Variants in FBXO31 observed in about 807,000 individuals in gnomAD.
FBXO31 encodes F-box protein 31.
A neutral mutation model predicts 54.4 loss-of-function variants in FBXO31; 24 were observed. The ratio of observed to expected loss-of-function variants is 0.44; its 90% confidence interval spans 0.32 to 0.62. The LOEUF (loss-of-function observed/expected upper bound fraction) is 0.62. FBXO31 is among the 20% of genes least tolerant of loss of function. The pLI, the probability that FBXO31 is intolerant of heterozygous loss-of-function variation, is 0.05. For synonymous variants in FBXO31, 388 were observed against 335.6 expected (o/e 1.16, Z -1.71); for missense variants, 665 against 787.1 (o/e 0.84, Z 1.86).
rs964234734 is a variant in FBXO31 at position 87,338,991 on chromosome 16, G to T, written c.733-2727C>A. Among the ~76,000 whole-genome samples the T allele has an allele frequency of 6.6e-6, 1 of 152,184 alleles. No homozygotes were observed. The highest frequency in any genetic ancestry group is 1.5e-5 in the Non-Finnish European group (1 of 68,038). On this transcript the variant is annotated intron_variant, in intron 5 of 8. Transcript: ENST00000311635. This position sits in a 1 kb window ranked among gnomAD's most constrained non-coding sequence, Gnocchi z 4.3. ...TATAAAGGGGAGTTCCCCTGCACAA[G>T]TTCTCTCTTTTTTTGCCTGCCGCCA...
At chr16:87,352,191 ATC>A (rs1406869320) in intron 2 of FBXO31, among the ~76,000 whole-genome samples, 2 of 152,240 alleles carry the variant, frequency 1.3e-5, no homozygotes, top group South Asian at 2.1e-4. Flanking sequence ...CACAATTATT[ATC>A]TGTCAGTTAT....
At chr16:87,377,564 G>T (rs531649040) in intron 1 of FBXO31, among the ~76,000 whole-genome samples, 1 of 152,142 alleles carries the variant, frequency 6.6e-6, no homozygotes, top group African/African-American at 2.4e-5. Context: ...AGCAGCTCAC[G>T]CCTGTAATCC....
upstream of FBXO31, among the ~76,000 whole-genome samples, chr16:87,384,518 G>A (rs998732737): frequency 6.6e-6 from 1 of 152,222 alleles, no homozygotes; most frequent in Non-Finnish European, 1.5e-5. Context: ...GCTGGGAGCC[G>A]CGCACGCCTG....
intron 1 of FBXO31, chr16:87,367,122 A>G (rs1279856464): frequency 6.6e-6 from 1 of 152,190 alleles, no homozygotes; most frequent in Admixed American, 6.5e-5. Context: ...GTGAGTGACA[A>G]TCAAGCCACT....
In FBXO31 at chr16:87,330,996, G is replaced by A. The variant is rs1183467038; in HGVS notation, c.*292C>T. 2.7e-5 allele frequency: 9 copies of A among 331,842 alleles called. No homozygotes were observed. Among genetic ancestry groups the A allele is most frequent in the East Asian group, 6.7e-5 (1 of 14,930 alleles). 20.6% of individuals were successfully genotyped at this position (331,842 alleles called of 1,614,324 possible). A position where few individuals can be genotyped will look rare whatever the true frequency, so the allele number is the denominator to read the frequency against. ...CAGCCCAGGGTGCGGGAACCCCACC[G>A]CTTCAATTCTCACGCGGTCCCACGG... On this transcript the variant is annotated 3_prime_UTR_variant, in exon 9 of 9. Transcript: ENST00000311635.
chr16:87,328,883 T>C lies in FBXO31; in HGVS notation c.*2405A>G, dbSNP rs994824197. On this transcript the variant is annotated 3_prime_UTR_variant, in exon 9 of 9. Coordinates refer to ENST00000311635, the MANE Select transcript of FBXO31 (RefSeq NM_024735.5). ...TGAACTGGGTTACTCAGCCTCCTCC[T>C]TGGAAACGGTTTTATCCAACTCTCA... The C allele has an allele frequency of 9.9e-5, 15 of 152,252 alleles. No individual in the cohort carries two copies. The highest frequency in any genetic ancestry group is 3.1e-4 in the African/African-American group (13 of 41,452). The allele number at this position is 152,252 out of a possible 1,614,324, so 9.4% of individuals were successfully genotyped here. A position where few individuals can be genotyped will look rare whatever the true frequency, so the allele number is the denominator to read the frequency against.
chr16:87,387,973 A>C (rs902103882), upstream of FBXO31, among the ~76,000 whole-genome samples: 16 of 152,388 alleles, frequency 1.0e-4, no homozygotes, highest in African/African-American at 3.6e-4. Flanking sequence ...GCAGTTTAAA[A>C]TAAGCGGGCT....
At position 87,340,529 on chromosome 16, in the gene FBXO31, G is replaced by A. The variant is rs1401294013; in HGVS notation, c.732+2348C>T. 4.6e-5 allele frequency among the ~76,000 whole-genome samples: 7 copies of A among 152,180 alleles called. No individual in the cohort carries two copies. The South Asian group carries it at 6.2e-4, about 13-fold the overall frequency. On this transcript the variant is annotated intron_variant, in intron 5 of 8. Transcript: ENST00000311635. ...CATTTCACATCAGAATAGATCCAACGGAACCAGACACAGACACAAGAGAAA... is the reference window on the plus strand; with the variant it reads ...CATTTCACATCAGAATAGATCCAACAGAACCAGACACAGACACAAGAGAAA...
In FBXO31 at chr16:87,383,553, G is replaced by C. The variant is rs140169840; in HGVS notation, c.192C>G (p.Arg64=). Residue 64 remains arginine (R), a synonymous_variant, in exon 1 of 9, where the codon CGC becomes CGG. Transcript: ENST00000311635. This position sits in a 1 kb window ranked among gnomAD's most constrained non-coding sequence, Gnocchi z 4.9. ...LCAGPSPPPP[R]CSLLELPPEL... is the part of the protein sequence containing the mutation. ...CGGGCGGCAGCTCCAGCAGCGAGCA[G>C]CGCGGGGGCGGCGGCGAGGGGCCCG... 88 of 1,546,804 alleles carry C rather than the reference G, an allele frequency of 5.7e-5. No homozygotes were observed. The East Asian group carries it at 2.2e-3, about 39-fold the overall frequency.
intron 1 of FBXO31, among the ~76,000 whole-genome samples, chr16:87,376,671 C>T (rs1423431034): frequency 6.6e-6 from 1 of 152,224 alleles, no homozygotes; most frequent in African/African-American, 2.4e-5. Flanking sequence ...ACACAGAAAT[C>T]AGCCTCACTC....
At chr16:87,359,088 C>T (rs1906022192) in intron 2 of FBXO31, among the ~76,000 whole-genome samples, 1 of 152,202 alleles carries the variant, frequency 6.6e-6, no homozygotes, top group Admixed American at 6.5e-5. Flanking sequence ...AACACAGTTG[C>T]TGCGCTGTGA....
In FBXO31 at chr16:87,331,737, A is replaced by G. The variant is rs940462319; in HGVS notation, c.1398-227T>C. Among the ~76,000 whole-genome samples, 5 of 152,212 alleles carry G rather than the reference A, an allele frequency of 3.3e-5. No homozygotes were observed. In the East Asian group the frequency reaches 9.6e-4, roughly 29 times the overall value. On this transcript the variant is annotated intron_variant, in intron 8 of 8. Coordinates refer to ENST00000311635, the MANE Select transcript of FBXO31 (RefSeq NM_024735.5). ...GGGCGCAGGCCGAGCCCACCTGATG[A>G]TGGACGCAGAGGCCAGAGCTCGGGG...
chr16:87,367,002 AC>A (rs1906397994), intron 1 of FBXO31: 1 of 152,100 alleles, frequency 6.6e-6, no homozygotes, highest in African/African-American at 2.4e-5. Context: ...ACACAGTGAG[AC>A]CCCAGCTCTA....
At position 87,358,521 on chromosome 16, in the gene FBXO31, G is replaced by A. The variant is rs1905997209; in HGVS notation, c.412+1774C>T. 6.5e-6 allele frequency: 1 copy of A among 152,676 alleles called. No homozygotes were observed. Among genetic ancestry groups the A allele is most frequent in the East Asian group, 1.9e-4 (1 of 5,194 alleles). The allele number at this position is 152,676 out of a possible 1,614,324, so 9.5% of individuals were successfully genotyped here. On this transcript the variant is annotated intron_variant, in intron 2 of 8. Transcript: ENST00000311635. The surrounding 1 kb of genome is among the most constrained non-coding windows in gnomAD (Gnocchi z 4.0). ...ACCTGAACAGACACAGCAGGGAAAG[G>A]GCTAAGGATGGCTCCCTTTACAGGA...
intron 1 of FBXO31, among the ~76,000 whole-genome samples, chr16:87,368,763 T>A (rs751039257): frequency 4.0e-4 from 61 of 152,296 alleles, no homozygotes; most frequent in Non-Finnish European, 7.1e-4. Flanking sequence ...GCTGTTCTGA[T>A]TGCTAAGGAT....
rs979205697 is a variant in FBXO31 at position 87,335,814 on chromosome 16, T to C, written c.842+341A>G. Among the ~76,000 whole-genome samples, 7 of 152,016 alleles carry C rather than the reference T, an allele frequency of 4.6e-5. No individual in the cohort carries two copies. The highest frequency in any genetic ancestry group is 1.7e-4 in the African/African-American group (7 of 41,372). ...CACTGGGCTGAGCGGGGCTGAGCTC[T>C]AGAGTGCCAGTGTTGGCAGGGGTGA... On this transcript the variant is annotated intron_variant, in intron 6 of 8. Transcript: ENST00000311635. This position sits in a 1 kb window ranked among gnomAD's most constrained non-coding sequence, Gnocchi z 5.7.
At chr16:87,355,024 C>T (rs916170462) in intron 2 of FBXO31, among the ~76,000 whole-genome samples, 1 of 151,926 alleles carries the variant, frequency 6.6e-6, no homozygotes, top group Non-Finnish European at 1.5e-5. Flanking sequence ...AGCCTTCTAC[C>T]GTATGGGCTT....
In FBXO31 at chr16:87,334,118, C is replaced by T; in HGVS notation, c.1165G>A (p.Gly389Ser). The change falls in exon 8 of 9, where the codon GGC becomes AGC. Residue 389 changes from glycine (G) to serine (S), a missense_variant. By Grantham distance (56) the Gly-to-Ser change is moderately conservative. This residue lies in a region of FBXO31 where 165 missense variants were observed against 159.7 expected (regional missense o/e 1.03). Coordinates refer to ENST00000311635, the MANE Select transcript of FBXO31 (RefSeq NM_024735.5). Reference protein sequence around the residue: ...QEQQEGGHEAGEGRGRQGPRE... With the variant: ...QEQQEGGHEASEGRGRQGPRE... Reference sequence around the variant, plus strand: ...GGGCCCTGCCGGCCACGACCCTCGCCCGCCTCGTGCCCGCCTTCCTGCTGC... The same window carrying T: ...GGGCCCTGCCGGCCACGACCCTCGCTCGCCTCGTGCCCGCCTTCCTGCTGC... 1.9e-6 allele frequency: 3 copies of T among 1,611,030 alleles called. No individual in the cohort carries two copies. Among genetic ancestry groups the T allele is most frequent in the Non-Finnish European group, 2.5e-6 (3 of 1,178,800 alleles).
intron 7 of FBXO31, among the ~76,000 whole-genome samples, chr16:87,334,926 A>G (rs1904996566): frequency 6.6e-6 from 1 of 152,198 alleles, no homozygotes; most frequent in African/African-American, 2.4e-5. Flanking sequence ...TGCAAGCACA[A>G]GGGTCTCCAT....
Sources: gnomAD v4.1 joint callset for allele counts (sites outside exome capture counted in the v4.1 genomes callset) on GRCh38, gnomAD v4.1.1 for gene constraint, gnomAD v4.1.1 regional missense constraint, Gnocchi (gnomAD v3.1) non-coding constraint, MANE v1.5 for transcripts, NCBI Gene and HGNC (gene_info 2026-07-23, HGNC 2026-07-21) for gene names.